Variants in SLC25A37 observed in about 807,000 individuals in gnomAD.
SLC25A37 encodes mitoferrin-1.
Under a neutral mutation model 31.0 loss-of-function variants are expected in SLC25A37, and 17 were observed. That is an observed-to-expected ratio of 0.55 (90% CI 0.38 to 0.82). The LOEUF (loss-of-function observed/expected upper bound fraction) is 0.82. Ranked by LOEUF, SLC25A37 falls within the 40% of genes least tolerant of loss-of-function variation. The probability of loss-of-function intolerance (pLI) is 0.00; values close to 1 mark genes in which losing one functional copy is unlikely to be tolerated. For missense variants in SLC25A37, 404 were observed against 465.8 expected, an observed-to-expected ratio of 0.87 and a Z score of 1.22; for synonymous variants, 222 against 193.0, an observed-to-expected ratio of 1.15 and a Z score of -1.24.
intron 1 of SLC25A37, among the ~76,000 whole-genome samples, chr8:23,545,265 T>C (rs1046530949): frequency 3.3e-5 from 5 of 152,224 alleles, no homozygotes; most frequent in African/African-American, 1.2e-4. Flanking sequence ...GTGTCACTTC[T>C]TGTCTCTTTT....
chr8:23,556,250 A>G (rs1054247847), intron 1 of SLC25A37, among the ~76,000 whole-genome samples: 2 of 137,652 alleles, frequency 1.5e-5, no homozygotes, highest in South Asian at 2.3e-4. Context: ...TTTTTTTGCA[A>G]CAGAGTCTTT....
rs116050502 is a variant in SLC25A37 at position 23,571,580 on chromosome 8, G to T, written c.742G>T (p.Ala248Ser). 1.3e-3 allele frequency: 2,126 copies of T among 1,613,390 alleles called. 27 individuals are homozygous for T. The African/African-American group carries it at 0.026, about 19-fold the overall frequency. Residue 248 changes from alanine to serine, a missense_variant, in exon 4 of 4, where the codon GCC becomes TCC. Coordinates refer to ENST00000519973, the MANE Select transcript of SLC25A37 (RefSeq NM_016612.4). ...IISGGLAGALAAAATTPLDVC... is the reference protein window; with the variant it reads ...IISGGLAGALSAAATTPLDVC... ...CTCAGGCGGGCTGGCCGGGGCCCTC[G>T]CCGCGGCCGCCACGACCCCCCTGGA... is the stretch of plus-strand genomic sequence containing the variant.
chr8:23,530,502 A>G (rs1461324625), intron 1 of SLC25A37, among the ~76,000 whole-genome samples: 1 of 152,224 alleles, frequency 6.6e-6, no homozygotes, highest in Non-Finnish European at 1.5e-5. Context: ...GAGGAAAGAC[A>G]TGGGCTTCCA....
chr8:23,571,283 A>G, intron 3 of SLC25A37, 52 bp from the exon 4 acceptor site: 1 of 1,479,436 alleles, frequency 6.8e-7, no homozygotes. Flanking sequence ...GCCACATCCA[A>G]CCCACTGCCC....
At chr8:23,566,411 G>A in intron 2 of SLC25A37, 75 bp downstream of exon 2, 1 of 1,525,936 alleles carries the variant, frequency 6.6e-7, no homozygotes, top group African/African-American at 1.4e-5. Context: ...GTTCCTCCCT[G>A]TGACCCAGCC....
At chr8:23,556,814 G>T (rs760275857) in intron 1 of SLC25A37, among the ~76,000 whole-genome samples, 1 of 152,036 alleles carries the variant, frequency 6.6e-6, no homozygotes. Flanking sequence ...TGCCTGCGAC[G>T]TGTGGGAATG....
In SLC25A37 at chr8:23,571,394, C is replaced by T. The variant is rs781062958; in HGVS notation, c.556C>T (p.Arg186Trp). 1.2e-6 allele frequency: 2 copies of T among 1,613,108 alleles called. No homozygotes were observed. The highest frequency in any genetic ancestry group is 8.5e-7 in the Non-Finnish European group (1 of 1,179,434). ...GCACCGGTCAGCAATCAGCTGCATC[C>T]GGACGGTGTGGAGGACCGAGGGGTT... ...SQHRSAISCI[R>W]TVWRTEGLGA... Residue 186 changes from arginine to tryptophan, a missense_variant, in exon 4 of 4, where the codon CGG (arginine) becomes TGG (tryptophan). Arg to Trp is a moderately radical substitution (Grantham distance 101). Around this residue, in one of 3 missense-constraint regions of SLC25A37, gnomAD observed 243 missense variants for 284.4 expected, o/e 0.85. Transcript: ENST00000519973.
intron 1 of SLC25A37, among the ~76,000 whole-genome samples, chr8:23,552,237 TC>T (rs1276257460): frequency 1.3e-5 from 2 of 152,188 alleles, no homozygotes; most frequent in African/African-American, 2.4e-5. Context: ...TAAAAATAGT[TC>T]CGGTGAAGAT....
intron 1 of SLC25A37, among the ~76,000 whole-genome samples, chr8:23,552,849 G>A (rs1222453229): frequency 6.6e-6 from 1 of 152,234 alleles, no homozygotes; most frequent in African/African-American, 2.4e-5. Context: ...AACAAAGTTG[G>A]GGAGGTTGGA....
intron 3 of SLC25A37, chr8:23,568,602 G>A (rs1802731919): frequency 1.8e-6 from 1 of 564,300 alleles, no homozygotes; most frequent in Non-Finnish European, 3.2e-6. Context: ...CTCAAAGTGT[G>A]TTCTACAGAC....
chr8:23,538,925 T>G (rs1801832649), intron 1 of SLC25A37, among the ~76,000 whole-genome samples: 1 of 152,090 alleles, frequency 6.6e-6, no homozygotes, highest in African/African-American at 2.4e-5. Context: ...ACTCTGGAAT[T>G]TGTTCTTTCT....
At chr8:23,571,187 G>A (rs1802818639) in intron 3 of SLC25A37, 148 bp from the exon 4 acceptor site, 1 of 939,366 alleles carries the variant, frequency 1.1e-6, no homozygotes, top group South Asian at 1.8e-5. Context: ...TCAGACTAGG[G>A]CTGTGTGTGC....
chr8:23,547,630 C>T (rs753097767), intron 1 of SLC25A37, among the ~76,000 whole-genome samples: 6 of 152,274 alleles, frequency 3.9e-5, no homozygotes, highest in South Asian at 4.1e-4. Flanking sequence ...TGCTTTGCAG[C>T]GGAAGCTAGG....
intron 1 of SLC25A37, among the ~76,000 whole-genome samples, chr8:23,546,543 ATATATATATAGTG>A (rs1297054329): frequency 0.013 from 287 of 22,460 alleles, 4 homozygotes; most frequent in African/African-American, 0.081. Context: ...ATATATATAT[ATATATATATAGTG>A]TATATATATA....
At position 23,572,128 on chromosome 8, in the gene SLC25A37, C is replaced by G. The variant is rs1315931153; in HGVS notation, c.*273C>G. The stretch of plus-strand genomic sequence containing the variant: ...CCCTGGGCAGAATGTAGCTTTTCTG[C>G]TTCACTGTGGCAGCCTCCTCCCTGG... On this transcript the variant is annotated 3_prime_UTR_variant, in exon 4 of 4. Coordinates refer to ENST00000519973, the MANE Select transcript of SLC25A37 (RefSeq NM_016612.4). The G allele has an allele frequency of 3.5e-6, 1 of 285,452 alleles. No homozygotes were observed. Among genetic ancestry groups the G allele is most frequent in the African/African-American group, 2.4e-5 (1 of 40,896 alleles). The allele number at this position is 285,452 out of a possible 1,614,324, so 17.7% of individuals were successfully genotyped here.
intron 2 of SLC25A37, 80 bp from the exon 3 acceptor site, chr8:23,568,242 G>C: frequency 6.6e-7 from 1 of 1,509,670 alleles, no homozygotes; most frequent in Non-Finnish European, 9.2e-7. Context: ...TAAGTCCTGG[G>C]TTCCGTCTGA....
chr8:23,544,789 C>T (rs1801992149), intron 1 of SLC25A37, among the ~76,000 whole-genome samples: 1 of 152,188 alleles, frequency 6.6e-6, no homozygotes, highest in East Asian at 1.9e-4. Context: ...GGGTTCTGCT[C>T]TGAGCTGAGA....
intron 1 of SLC25A37, among the ~76,000 whole-genome samples, chr8:23,539,107 T>C (rs1166934499): frequency 6.6e-6 from 1 of 152,184 alleles, no homozygotes; most frequent in Non-Finnish European, 1.5e-5. Flanking sequence ...TGTCGGGTAC[T>C]AAGAGGTGTT....
At chr8:23,559,365 G>A (rs1193975276) in intron 1 of SLC25A37, among the ~76,000 whole-genome samples, 7 of 145,926 alleles carry the variant, frequency 4.8e-5, no homozygotes, top group Admixed American at 1.4e-4. Flanking sequence ...GTGTGTGTGC[G>A]CGCGCGCGTG....
Sources: allele counts gnomAD v4.1 joint callset (sites outside exome capture counted in the v4.1 genomes callset), GRCh38; gene constraint gnomAD v4.1.1; regional missense constraint gnomAD v4.1.1; transcripts MANE v1.5; gene names NCBI Gene and HGNC (gene_info 2026-07-23, HGNC 2026-07-21).